RPS6KA5: variants seen among roughly 807,000 people sequenced by gnomAD.
The protein encoded by RPS6KA5 is ribosomal protein S6 kinase A5.
RPS6KA5 carries 27 observed loss-of-function variants against 85.5 expected under a neutral mutation model. That is an observed-to-expected ratio of 0.32 (90% confidence interval 0.23 to 0.44). The LOEUF is 0.44. RPS6KA5 is among the 20% of genes least tolerant of loss of function. RPS6KA5 has a pLI of 1.00. For synonymous variants in RPS6KA5, 334 were observed against 348.2 expected, an observed-to-expected ratio of 0.96 and a Z score of 0.46; for missense variants, 811 against 980.9, an observed-to-expected ratio of 0.83 and a Z score of 2.31.
At chr14:91,044,392 G>GGAAAGAAAGAAAGAAAGAAAGAAA (rs71461930) in intron 1 of RPS6KA5, among the ~76,000 whole-genome samples, 2 of 55,172 alleles carry the variant, frequency 3.6e-5, no homozygotes, top group African/African-American at 6.4e-5. Context: ...AAAGAAAGAA[G>GGAAAGAAAGAAAGAAAGAAAGAAA]GAAAGAAAGA....
intron 1 of RPS6KA5, among the ~76,000 whole-genome samples, chr14:91,036,448 G>A (rs2042414546): frequency 6.6e-6 from 1 of 152,140 alleles, no homozygotes; most frequent in Admixed American, 6.5e-5. Flanking sequence ...GGGTGGGTGG[G>A]TGGATGAATA....
Position 91,060,507 on chromosome 14 carries a change from C to A in RPS6KA5, c.-73G>T. 1 of 1,254,272 alleles carries A rather than the reference C, an allele frequency of 8.0e-7. No homozygotes were observed. The highest frequency in any genetic ancestry group is 1.0e-6 in the Non-Finnish European group (1 of 991,852). The allele number at this position is 1,254,272 out of a possible 1,614,324, so 77.7% of individuals were successfully genotyped here. A position where few individuals can be genotyped will look rare whatever the true frequency, so the allele number is the denominator to read the frequency against. On this transcript the variant is annotated 5_prime_UTR_variant, in exon 1 of 17. Transcript: ENST00000614987. Reference sequence around the variant, plus strand: ...GAGACAGCGGACGCCCGTCCCCTCGCAGCCGCTGCCGCGGCCCCAGGAGTC... The same window carrying A: ...GAGACAGCGGACGCCCGTCCCCTCGAAGCCGCTGCCGCGGCCCCAGGAGTC...
chr14:90,970,424 C>T (rs1370457232), intron 3 of RPS6KA5, among the ~76,000 whole-genome samples: 1 of 152,168 alleles, frequency 6.6e-6, no homozygotes, highest in Non-Finnish European at 1.5e-5. Flanking sequence ...CCTCTTAACT[C>T]CATTGAAAGA....
chr14:90,977,856 A>G (rs1470595175), intron 3 of RPS6KA5, among the ~76,000 whole-genome samples: 2 of 152,208 alleles, frequency 1.3e-5, no homozygotes, highest in Non-Finnish European at 2.9e-5. Context: ...GGAGTTCGAG[A>G]GCAGGCTGGC....
intron 14 of RPS6KA5, among the ~76,000 whole-genome samples, chr14:90,885,767 A>AAG (rs2034176129): frequency 1.4e-5 from 2 of 140,002 alleles, no homozygotes; most frequent in African/African-American, 5.4e-5. Context: ...AAAAAAAAAA[A>AAG]AAAAAAGAAA....
At chr14:91,018,910 T>A (rs1033566843) in intron 1 of RPS6KA5, among the ~76,000 whole-genome samples, 1 of 151,998 alleles carries the variant, frequency 6.6e-6, no homozygotes, top group Non-Finnish European at 1.5e-5. Context: ...TTATAACACA[T>A]CTACCCTCTC....
intron 14 of RPS6KA5, among the ~76,000 whole-genome samples, chr14:90,884,211 T>C (rs1413261918): frequency 6.6e-6 from 1 of 152,116 alleles, no homozygotes; most frequent in Non-Finnish European, 1.5e-5. Flanking sequence ...ACAAACTGTG[T>C]GTAGGTTGTT....
chr14:91,025,756 A>T (rs1453503472), intron 1 of RPS6KA5, among the ~76,000 whole-genome samples: 2 of 150,930 alleles, frequency 1.3e-5, no homozygotes, highest in Non-Finnish European at 1.5e-5. Context: ...AAACCTCCCA[A>T]CTCCATCTCC....
intron 2 of RPS6KA5, among the ~76,000 whole-genome samples, chr14:90,983,811 CTCTCTG>C (rs1226715761): frequency 1.0e-4 from 12 of 115,858 alleles, no homozygotes; most frequent in East Asian, 2.8e-4. Context: ...CTCTCTCTCT[CTCTCTG>C]TCTCTCTCTC....
intron 3 of RPS6KA5, among the ~76,000 whole-genome samples, chr14:90,964,884 C>A (rs1223598690): frequency 7.2e-6 from 1 of 139,562 alleles, no homozygotes; most frequent in East Asian, 2.1e-4. Flanking sequence ...CACTGCACTC[C>A]AGCCTTGGCA....
rs1411191435 is a variant in RPS6KA5, at chr14:90,871,365, C to T, written c.*709G>A. ...ACAGAGAGACATGTACCTTAATATT[C>T]TGCAATAACCATTAAAACAAATTGC... is the stretch of plus-strand genomic sequence containing the variant. On this transcript the variant is annotated 3_prime_UTR_variant, in exon 17 of 17. Transcript: ENST00000614987. 1 of 152,568 alleles carries T rather than the reference C, an allele frequency of 6.6e-6. No individual in the cohort carries two copies. The highest frequency in any genetic ancestry group is 1.5e-5 in the Non-Finnish European group (1 of 68,028). 9.5% of individuals were successfully genotyped at this position (152,568 alleles called of 1,614,324 possible).
intron 5 of RPS6KA5, among the ~76,000 whole-genome samples, chr14:90,940,740 C>T (rs934012992): frequency 4.6e-5 from 7 of 152,160 alleles, no homozygotes; most frequent in African/African-American, 1.4e-4. Flanking sequence ...GGAACCAGGG[C>T]GCACAGCAGG....
chr14:90,932,871 C>G (rs942921953), intron 5 of RPS6KA5, among the ~76,000 whole-genome samples: 16 of 152,044 alleles, frequency 1.1e-4, no homozygotes, highest in Non-Finnish European at 2.4e-4. Context: ...GTGTATCTAC[C>G]CCACTTCCTT....
At chr14:91,028,208 A>G (rs1456032182) in intron 1 of RPS6KA5, among the ~76,000 whole-genome samples, 2 of 152,206 alleles carry the variant, frequency 1.3e-5, no homozygotes, top group South Asian at 4.1e-4. Flanking sequence ...GACTGTATCC[A>G]TAACACCCTT....
Position 90,990,974 on chromosome 14 carries a change from C to T in RPS6KA5, c.175+10114G>A, listed in dbSNP as rs150699737. Among the ~76,000 whole-genome samples, 48 of 152,088 alleles carry T rather than the reference C, an allele frequency of 3.2e-4. 1 individual carries two copies. The highest frequency in any genetic ancestry group is 9.6e-4 in the African/African-American group (40 of 41,492). ...AAATCATTTTTACACCAAACACCAG[C>T]GACAGGCAATTTATTCAGGTAACAA... On this transcript the variant is annotated intron_variant, in intron 2 of 16. Transcript: ENST00000614987.
rs761566070 is a variant in RPS6KA5 at position 90,890,661 on chromosome 14, A to C, written c.1662T>G (p.Asp554Glu). 3.1e-6 allele frequency: 5 copies of C among 1,613,756 alleles called. No individual in the cohort carries two copies. The East Asian group carries it at 1.1e-4, about 36-fold the overall frequency. The change falls in exon 14 of 17, where the codon GAT becomes GAG. Residue 554 changes from aspartate to glutamate, a missense_variant. Physicochemically the swap from Asp to Glu is conservative, Grantham distance 45 (BLOSUM62 2). Transcript: ENST00000614987. ...DLKPENLLFTDENDNLEIKII... is the reference protein window; with the variant it reads ...DLKPENLLFTEENDNLEIKII... The stretch of plus-strand genomic sequence containing the variant: ...TTTTAATTTCCAAATTGTCATTTTC[A>C]TCGGTGAACAATAAATTCTGCAAGA...
chr14:90,885,552 CAAAAAAAAAAAAAAAAAAA>C (rs780292114), intron 14 of RPS6KA5, among the ~76,000 whole-genome samples: 13 of 19,876 alleles, frequency 6.5e-4, no homozygotes, highest in African/African-American at 1.7e-3. Flanking sequence ...GACTCCGTCT[CAAAAAAAAAAAAAAAAAAA>C]AAAAAAAAAA....
chr14:91,048,756 A>G (rs1221958378), intron 1 of RPS6KA5, among the ~76,000 whole-genome samples: 2 of 152,226 alleles, frequency 1.3e-5, no homozygotes, highest in Non-Finnish European at 2.9e-5. Flanking sequence ...TGGGAGCTCA[A>G]AGGAGATAAC....
chr14:90,956,985 TC>T (rs1197045386), intron 3 of RPS6KA5, among the ~76,000 whole-genome samples: 4 of 108,462 alleles, frequency 3.7e-5, no homozygotes, highest in African/African-American at 1.5e-4. Flanking sequence ...TTTTTTTTTT[TC>T]CCAGTGAATT....
Sources: allele counts gnomAD v4.1 joint callset (sites outside exome capture counted in the v4.1 genomes callset), GRCh38; gene constraint gnomAD v4.1.1; transcripts MANE v1.5; gene names NCBI Gene and HGNC (gene_info 2026-07-23, HGNC 2026-07-21).